DNAH12: variants seen among roughly 807,000 people sequenced by gnomAD.
The protein encoded by DNAH12 is axonemal beta dynein heavy chain 12.
Under a neutral mutation model 371.5 loss-of-function variants are expected in DNAH12, and 285 were observed. That is an observed-to-expected ratio of 0.77 (90% CI 0.70 to 0.85). The LOEUF is 0.85. Ranked by LOEUF, DNAH12 falls within the 40% of genes least tolerant of loss-of-function variation. DNAH12 has a pLI of 0.00. For missense variants in DNAH12, 3,611 were observed against 3,689.4 expected (o/e 0.98, Z 0.55); for synonymous variants, 1,200 against 1,213.0 (o/e 0.99, Z 0.22).
intron 34 of DNAH12, among the ~76,000 whole-genome samples, chr3:57,427,138 A>ATGTGATGTGTGTGTGTGTGTGTG (rs564544771): frequency 7.2e-5 from 10 of 138,784 alleles, no homozygotes; most frequent in African/African-American, 2.8e-4. Context: ...TAAGAAGCGA[A>ATGTGATGTGTGTGTGTGTGTGTG]TGTGTGTGTG....
chr3:57,375,770 A>T (rs2153339172), intron 54 of DNAH12, 48 bp downstream of exon 54: 1 of 152,256 alleles, frequency 6.6e-6, no homozygotes, highest in Admixed American at 6.5e-5. Context: ...ATCCCAAAAC[A>T]TACTTTGGAT....
Position 57,453,372 on chromosome 3 carries a change from T to G in DNAH12, c.3488A>C (p.Asn1163Thr). The change falls in exon 24 of 74, where the codon AAC becomes ACC. Residue 1163 changes from asparagine (N) to threonine (T), a missense_variant. Around this residue, in one of 3 missense-constraint regions of DNAH12, gnomAD observed 1,314 missense variants for 1,398.7 expected, o/e 0.94. Coordinates refer to ENST00000495027, the MANE Select transcript of DNAH12 (RefSeq NM_001366028.2). ...GLKKYYKELQ[N>T]QLNEIVELVR... ...CAGCTCTACAATCTCATTCAGTTGG[T>G]TCTGAAGTTCCTTATAATACTTCTT... 1 of 1,548,638 alleles carries G rather than the reference T, an allele frequency of 6.5e-7. No homozygotes were observed. Among genetic ancestry groups the G allele is most frequent in the Non-Finnish European group, 8.7e-7 (1 of 1,146,104 alleles).
intron 34 of DNAH12, among the ~76,000 whole-genome samples, chr3:57,428,085 T>C (rs569494060): frequency 1.8e-4 from 28 of 152,126 alleles, no homozygotes; most frequent in African/African-American, 6.5e-4. Context: ...TGTACCACCA[T>C]GCCCGGCTAA....
intron 18 of DNAH12, among the ~76,000 whole-genome samples, chr3:57,461,999 T>C (rs1463541706): frequency 6.6e-6 from 1 of 152,164 alleles, no homozygotes; most frequent in Non-Finnish European, 1.5e-5. Flanking sequence ...TGGCAGCCCA[T>C]AGTCTGAAGA....
intron 58 of DNAH12, among the ~76,000 whole-genome samples, chr3:57,359,607 A>G (rs2062878500): frequency 6.6e-6 from 1 of 151,194 alleles, no homozygotes; most frequent in Non-Finnish European, 1.5e-5. Flanking sequence ...TACTGTGAGT[A>G]TATGTTAAGA....
chr3:57,361,577 C>T (rs2062938158), intron 58 of DNAH12, among the ~76,000 whole-genome samples: 2 of 150,888 alleles, frequency 1.3e-5, no homozygotes, highest in East Asian at 3.9e-4. Context: ...CCTGTCTTCC[C>T]GACGAATGAC....
In DNAH12 at chr3:57,309,817, A is replaced by G; in HGVS notation, c.10934T>C (p.Leu3645Ser). ...PFTQHPEIFGLHENVDISKDL... is the reference protein window; with the variant it reads ...PFTQHPEIFGSHENVDISKDL... Reference sequence around the variant, plus strand: ...CTTGGAGATGTCAACGTTTTCATGTAATCCAAATATCTCAGGGTGTTGAGT... The same window carrying G: ...CTTGGAGATGTCAACGTTTTCATGTGATCCAAATATCTCAGGGTGTTGAGT... Residue 3645 changes from leucine to serine, a missense_variant, in exon 68 of 74, where the codon TTA becomes TCA. Around this residue, in one of 3 missense-constraint regions of DNAH12, gnomAD observed 2,266 missense variants for 2,236.9 expected, o/e 1.01. Transcript: ENST00000495027. 6.4e-7 allele frequency: 1 copy of G among 1,550,900 alleles called. No individual in the cohort carries two copies. Among genetic ancestry groups the G allele is most frequent in the Non-Finnish European group, 8.7e-7 (1 of 1,146,702 alleles).
chr3:57,533,674 C>G (rs1164038680), intron 2 of DNAH12, among the ~76,000 whole-genome samples: 1 of 152,230 alleles, frequency 6.6e-6, no homozygotes, highest in East Asian at 1.9e-4. Flanking sequence ...ATGGGGTTCT[C>G]ATGACTCTGC....
intron 66 of DNAH12, 68 bp from the exon 67 acceptor site, chr3:57,311,018 GTATC>G (rs2061572713): frequency 3.7e-6 from 4 of 1,091,036 alleles, no homozygotes; most frequent in Admixed American, 4.4e-5. Context: ...TTTTAAGTAT[GTATC>G]TATCTATCTA....
At chr3:57,423,318 T>C (rs747882268) in intron 35 of DNAH12, among the ~76,000 whole-genome samples, 3 of 152,194 alleles carry the variant, frequency 2.0e-5, no homozygotes, top group Non-Finnish European at 2.9e-5. Context: ...GATACTTTTA[T>C]AAACAGTAAC....
intron 67 of DNAH12, 25 bp from the exon 68 acceptor site, chr3:57,309,879 C>T: frequency 1.3e-6 from 2 of 1,536,722 alleles, no homozygotes; most frequent in Non-Finnish European, 1.8e-6. Context: ...ATTAAGCATG[C>T]ATCATATTTT....
chr3:57,307,572 C>G (rs948367268), intron 69 of DNAH12, among the ~76,000 whole-genome samples: 2 of 152,200 alleles, frequency 1.3e-5, no homozygotes, highest in African/African-American at 4.8e-5. Flanking sequence ...AAATCACAAA[C>G]TATGCTCAAC....
intron 43 of DNAH12, among the ~76,000 whole-genome samples, chr3:57,400,142 G>T (rs1384151452): frequency 1.3e-5 from 2 of 152,154 alleles, no homozygotes; most frequent in Non-Finnish European, 2.9e-5. Context: ...ACAAAAATTA[G>T]CTAAGCATGG....
chr3:57,377,515 G>A (rs887930656), intron 52 of DNAH12, among the ~76,000 whole-genome samples: 1 of 151,932 alleles, frequency 6.6e-6, no homozygotes, highest in Non-Finnish European at 1.5e-5. Flanking sequence ...TAATGAGAAG[G>A]TGTCACTTAA....
Position 57,309,251 on chromosome 3 carries a change from G to C in DNAH12, c.11089C>G (p.Pro3697Ala). The part of the protein sequence containing the change: ...EITKDILNKL[P>A]SDFDIEMALR... ...GCCATTTCAATGTCGAAATCACTAG[G>C]GAGCTAAAAGAATAGATTTTGAAGA... The change falls in exon 69 of 74, where the codon CCT (proline) becomes GCT (alanine). Residue 3697 changes from proline to alanine, a missense_variant. Pro to Ala is a conservative substitution (Grantham distance 27). This residue lies in a region of DNAH12 where 2,266 missense variants were observed against 2,236.9 expected (regional missense o/e 1.01). Coordinates refer to ENST00000495027, the MANE Select transcript of DNAH12 (RefSeq NM_001366028.2). The C allele has an allele frequency of 6.5e-7, 1 of 1,537,620 alleles. No individual in the cohort carries two copies. The highest frequency in any genetic ancestry group is 8.7e-7 in the Non-Finnish European group (1 of 1,143,328).
intron 35 of DNAH12, among the ~76,000 whole-genome samples, chr3:57,422,480 C>T (rs1473542889): frequency 1.3e-5 from 2 of 152,072 alleles, no homozygotes; most frequent in African/African-American, 4.8e-5. Flanking sequence ...AGGTGTGAGA[C>T]ACCGCGCCCG....
intron 66 of DNAH12, among the ~76,000 whole-genome samples, chr3:57,314,074 C>G (rs1304582263): frequency 1.3e-5 from 2 of 152,142 alleles, no homozygotes; most frequent in Admixed American, 6.5e-5. Flanking sequence ...AGTAGACAAG[C>G]TGTTTCTGTT....
At chr3:57,520,984 A>C (rs2068409060) in intron 4 of DNAH12, among the ~76,000 whole-genome samples, 1 of 136,814 alleles carries the variant, frequency 7.3e-6, no homozygotes, top group Non-Finnish European at 1.5e-5. Context: ...GAATTGCTTG[A>C]TCTGGGGAGG....
chr3:57,548,094 G>A (rs1354202870), upstream of DNAH12, among the ~76,000 whole-genome samples: 2 of 152,124 alleles, frequency 1.3e-5, no homozygotes. Context: ...GATTGACAAG[G>A]AAATTTGTTT....
Sources: allele counts gnomAD v4.1 joint callset (sites outside exome capture counted in the v4.1 genomes callset), GRCh38; gene constraint gnomAD v4.1.1; regional missense constraint gnomAD v4.1.1; transcripts MANE v1.5; gene names NCBI Gene and HGNC (gene_info 2026-07-23, HGNC 2026-07-21).